IFIH1: variants seen among roughly 807,000 people sequenced by gnomAD.
IFIH1 encodes the protein interferon-induced helicase C domain-containing protein 1.
IFIH1 carries 125 observed loss-of-function variants against 107.4 expected under a neutral mutation model. The ratio of observed to expected loss-of-function variants is 1.16; its 90% CI spans 1.01 to 1.35. IFIH1 has a LOEUF of 1.35. Ranked by LOEUF, IFIH1 falls within the 40% of genes most tolerant of loss-of-function variation. IFIH1 has a pLI of 0.00. For synonymous variants in IFIH1, 458 were observed against 413.2 expected, an observed-to-expected ratio of 1.11 and a Z score of -1.31; for missense variants, 1,333 against 1,213.7, an observed-to-expected ratio of 1.10 and a Z score of -1.46.
At chr2:162,292,251 G>T (rs1431414066) in intron 4 of IFIH1, among the ~76,000 whole-genome samples, 3 of 151,792 alleles carry the variant, frequency 2.0e-5, no homozygotes, top group African/African-American at 7.2e-5. Flanking sequence ...GCATGTAATA[G>T]AAATGTTAAT....
intron 3 of IFIH1, among the ~76,000 whole-genome samples, chr2:162,305,477 G>A: frequency 6.6e-6 from 1 of 152,084 alleles, no homozygotes; most frequent in Non-Finnish European, 1.5e-5. Flanking sequence ...GGCTGAGGCA[G>A]GAGAATCACT....
At chr2:162,302,329 A>G (rs1307965778) in intron 3 of IFIH1, among the ~76,000 whole-genome samples, 4 of 152,246 alleles carry the variant, frequency 2.6e-5, no homozygotes, top group Non-Finnish European at 4.4e-5. Context: ...TTCAGAAATA[A>G]TAATTATAAA....
chr2:162,308,340 A>G (rs943851864), intron 2 of IFIH1, among the ~76,000 whole-genome samples: 3 of 150,898 alleles, frequency 2.0e-5, no homozygotes, highest in African/African-American at 7.3e-5. Context: ...AAAGGCCACA[A>G]TTCTATCAGA....
At chr2:162,314,425 TTTCTTTCTTTCTTTC>T (rs1683444490) in intron 1 of IFIH1, among the ~76,000 whole-genome samples, 1 of 69,972 alleles carries the variant, frequency 1.4e-5, no homozygotes, top group Non-Finnish European at 2.6e-5. Context: ...CTTTTCTTTC[TTTCTTTCTTTCTTTC>T]TTTCTTTCTT....
intron 2 of IFIH1, 186 bp from the exon 3 acceptor site, chr2:162,307,041 A>T (rs1490720502): frequency 2.0e-6 from 1 of 500,584 alleles, no homozygotes; most frequent in Non-Finnish European, 3.5e-6. Flanking sequence ...TTTATACAAT[A>T]TAAATAGCTG....
chr2:162,288,376 A>G (rs1236294671), intron 4 of IFIH1, 21 bp from the exon 5 acceptor site: 1 of 1,579,292 alleles, frequency 6.3e-7, no homozygotes, highest in Non-Finnish European at 8.7e-7. Flanking sequence ...TTGAAAAGAA[A>G]AATAAGAGAA....
In IFIH1 at chr2:162,272,277, A is replaced by T; in HGVS notation, c.2565T>A (p.Tyr855Ter). 6.2e-7 allele frequency: 1 copy of T among 1,612,886 alleles called. No homozygotes were observed. Among genetic ancestry groups the T allele is most frequent in the Non-Finnish European group, 8.5e-7 (1 of 1,179,312 alleles). ...TATTTTGAACACAATGTATAGCTTT[A>T]TACATCATCTTCTCTCGGAAATCAT... The part of the protein sequence containing the change: ...TVNDFREKMM[Y>*]KAIHCVQNMK... The change falls in exon 13 of 16, where the codon TAT becomes TAA. Residue 855 changes from tyrosine (Y) to a stop codon, truncating the protein, a stop_gained. Coordinates refer to ENST00000649979, the MANE Select transcript of IFIH1 (RefSeq NM_022168.4). LOFTEE classifies it high-confidence loss of function.
At chr2:162,288,861 C>T (rs1239678284) in intron 4 of IFIH1, among the ~76,000 whole-genome samples, 3 of 151,282 alleles carry the variant, frequency 2.0e-5, no homozygotes, top group African/African-American at 4.9e-5. Flanking sequence ...GGTATTATGG[C>T]TGATACTATT....
At position 162,303,625 on chromosome 2, in the gene IFIH1, G is replaced by A. The variant is rs191973700; in HGVS notation, c.769+3084C>T. 2.6e-5 allele frequency among the ~76,000 whole-genome samples: 4 copies of A among 151,502 alleles called. No individual in the cohort carries two copies. The East Asian group carries it at 7.8e-4, about 29-fold the overall frequency. On this transcript the variant is annotated intron_variant, in intron 3 of 15. Coordinates refer to ENST00000649979, the MANE Select transcript of IFIH1 (RefSeq NM_022168.4). ...GGAAGTTAGGGTGAAAGGAAGGGAAGGGAAGGAGGGAGATAGAGAGGAAGG... is the reference window on the plus strand; with the variant it reads ...GGAAGTTAGGGTGAAAGGAAGGGAAAGGAAGGAGGGAGATAGAGAGGAAGG...
chr2:162,272,729 T>C (rs1267451354), intron 12 of IFIH1, among the ~76,000 whole-genome samples: 2 of 152,164 alleles, frequency 1.3e-5, no homozygotes, highest in Non-Finnish European at 2.9e-5. Context: ...GAGTCGTCTT[T>C]CTTGGTAGGA....
rs371767648 is a variant in IFIH1 at position 162,272,212 on chromosome 2, G to A, written c.2616+14C>T. The A allele has an allele frequency of 3.1e-5, 49 of 1,604,166 alleles. No homozygotes were observed. The highest frequency in any genetic ancestry group is 1.7e-4 in the Middle Eastern group (1 of 5,944). On this transcript the variant is annotated intron_variant, in intron 13 of 15. Coordinates refer to ENST00000649979, the MANE Select transcript of IFIH1 (RefSeq NM_022168.4). ...TTTTAAATGAAAATCAAATTCAGAG[G>A]TGACCAACAATACCTTATGAGCATA...
intron 13 of IFIH1, 66 bp downstream of exon 13, chr2:162,272,160 A>T: frequency 2.4e-6 from 3 of 1,275,800 alleles, no homozygotes; most frequent in Non-Finnish European, 3.4e-6. Flanking sequence ...AGTCACAGAG[A>T]TATCAATGGC....
At chr2:162,289,980 T>TTGAAGTTTTG (rs1440163817) in intron 4 of IFIH1, among the ~76,000 whole-genome samples, 18 of 151,958 alleles carry the variant, frequency 1.2e-4, no homozygotes, top group Non-Finnish European at 2.4e-4. Flanking sequence ...TTTCATAGAC[T>TTGAAGTTTTG]ATCAAAACCA....
At chr2:162,298,780 ACG>A (rs1440598668) in intron 3 of IFIH1, among the ~76,000 whole-genome samples, 5 of 150,970 alleles carry the variant, frequency 3.3e-5, no homozygotes, top group African/African-American at 4.9e-5. Flanking sequence ...ACACACACGC[ACG>A]CGCGCGCGCA....
chr2:162,267,145 A>G lies in IFIH1; in HGVS notation c.*55T>C, dbSNP rs1690939833. 1 of 1,229,136 alleles carries G rather than the reference A, an allele frequency of 8.1e-7. No individual in the cohort carries two copies. Among genetic ancestry groups the G allele is most frequent in the Admixed American group, 2.3e-5 (1 of 43,392 alleles). 76.1% of individuals were successfully genotyped at this position (1,229,136 alleles called of 1,614,324 possible). On this transcript the variant is annotated 3_prime_UTR_variant, in exon 16 of 16. Coordinates refer to ENST00000649979, the MANE Select transcript of IFIH1 (RefSeq NM_022168.4). ...CTGTAGCATAATGAATACATTAATC[A>G]TAATCATATTAAATGTTTAACTGAT...
intron 12 of IFIH1, 98 bp from the exon 13 acceptor site, chr2:162,272,485 A>G (rs919770811): frequency 9.6e-7 from 1 of 1,045,114 alleles, no homozygotes; most frequent in Non-Finnish European, 1.4e-6. Flanking sequence ...GAATGAAATG[A>G]TATTGGGTTG....
rs1433740417 is a variant in IFIH1, at chr2:162,315,968, G to A, written c.453+1887C>T. Among the ~76,000 whole-genome samples the A allele has an allele frequency of 2.0e-5, 3 of 152,192 alleles. No individual in the cohort carries two copies. The East Asian group carries it at 5.8e-4, about 29-fold the overall frequency. On this transcript the variant is annotated intron_variant, in intron 1 of 15. Transcript: ENST00000649979. ...CCTCCTTTGAAATGTGAATCAGAGG[G>A]AGAATTTGGGTTGTTTTGGCCTTAA...
rs1426360698 is a variant in IFIH1, at chr2:162,267,499, T to C, written c.2878A>G (p.Ile960Val). 1 of 1,614,002 alleles carries C rather than the reference T, an allele frequency of 6.2e-7. No homozygotes were observed. Residue 960 changes from isoleucine to valine, a missense_variant, in exon 15 of 16, where the codon ATC becomes GTC. By Grantham distance (29) the Ile-to-Val change is conservative. Coordinates refer to ENST00000649979, the MANE Select transcript of IFIH1 (RefSeq NM_022168.4). ...CTCACCTGGCCACATTTGCAGATGA[T>C]TTCACCATTTATTTGATAGTCGGCA... ...KCADYQINGE[I>V]ICKCGQAWGT...
At chr2:162,302,468 A>G (rs1436113869) in intron 3 of IFIH1, among the ~76,000 whole-genome samples, 1 of 152,208 alleles carries the variant, frequency 6.6e-6, no homozygotes, top group Non-Finnish European at 1.5e-5. Flanking sequence ...ACCTAATATA[A>G]TGGAATTCAA....
Sources: gnomAD v4.1 joint callset for allele counts (sites outside exome capture counted in the v4.1 genomes callset) on GRCh38, gnomAD v4.1.1 for gene constraint, MANE v1.5 for transcripts, NCBI Gene and HGNC (gene_info 2026-07-23, HGNC 2026-07-21) for gene names.